CEP126: variants seen among roughly 807,000 people sequenced by gnomAD.
The protein encoded by CEP126 is centrosomal protein of 126 kDa.
In CEP126, 74 loss-of-function variants were observed where a neutral mutation model predicts 107.8. The ratio of observed to expected loss-of-function variants is 0.69; its 90% confidence interval spans 0.57 to 0.83. The LOEUF is 0.83. CEP126 is among the 40% of genes least tolerant of loss of function. The pLI, the probability that CEP126 is intolerant of heterozygous loss-of-function variation, is 0.00. For synonymous variants in CEP126, 449 were observed against 446.0 expected, an observed-to-expected ratio of 1.01 and a Z score of -0.08; for missense variants, 1,237 against 1,281.9, an observed-to-expected ratio of 0.96 and a Z score of 0.53.
chr11:101,981,808 A>T, intron 7 of CEP126, 81 bp from the exon 8 acceptor site: 3 of 786,116 alleles, frequency 3.8e-6, no homozygotes, highest in Non-Finnish European at 6.2e-6. Context: ...TACAGCAATT[A>T]AAAGTTTTTT....
intron 6 of CEP126, among the ~76,000 whole-genome samples, chr11:101,972,529 G>A (rs1309879248): frequency 2.6e-5 from 4 of 152,010 alleles, no homozygotes; most frequent in East Asian, 3.9e-4. Flanking sequence ...TAAGCCCAGC[G>A]TGGTGGCTCA....
chr11:101,940,308 AAAG>A (rs1332729999), intron 2 of CEP126, among the ~76,000 whole-genome samples: 1 of 152,210 alleles, frequency 6.6e-6, no homozygotes, highest in Non-Finnish European at 1.5e-5. Flanking sequence ...AAAATCAAAA[AAAG>A]TTTTATTCTT....
intron 2 of CEP126, among the ~76,000 whole-genome samples, chr11:101,930,204 T>C (rs1397364778): frequency 6.6e-6 from 1 of 152,010 alleles, no homozygotes; most frequent in Non-Finnish European, 1.5e-5. Flanking sequence ...CTCTGGTGAT[T>C]GGTTCCAAGA....
chr11:101,979,751 A>G (rs1941234454), intron 7 of CEP126, among the ~76,000 whole-genome samples: 1 of 152,286 alleles, frequency 6.6e-6, no homozygotes, highest in East Asian at 1.9e-4. Context: ...AAACAAATTA[A>G]ATAAATAAAA....
rs191675044 is a variant in CEP126 at position 101,939,184 on chromosome 11, G to A, written c.249-5081G>A. Among the ~76,000 whole-genome samples, 43 of 152,214 alleles carry A rather than the reference G, an allele frequency of 2.8e-4. 1 individual carries two copies. In the East Asian group the frequency reaches 7.7e-3, roughly 27 times the overall value. On this transcript the variant is annotated intron_variant, in intron 2 of 10. Coordinates refer to ENST00000263468, the MANE Select transcript of CEP126 (RefSeq NM_020802.4). ...TTACAAAGAAAGGATGTTAGAATAT[G>A]CACCTAGGATTGTGGATTTGTCCAT...
intron 5 of CEP126, 72 bp from the exon 6 acceptor site, chr11:101,961,669 T>C: frequency 5.1e-6 from 4 of 791,010 alleles, no homozygotes; most frequent in Admixed American, 2.8e-5. Context: ...TCAGTAACAA[T>C]GGTATGTTGA....
chr11:101,936,501 C>T (rs937422692), intron 2 of CEP126, among the ~76,000 whole-genome samples: 5 of 151,988 alleles, frequency 3.3e-5, no homozygotes, highest in East Asian at 1.9e-4. Flanking sequence ...ATAATTATGT[C>T]GTCTGCAAAT....
chr11:101,936,310 A>G (rs1482505070), intron 2 of CEP126, among the ~76,000 whole-genome samples: 1 of 152,014 alleles, frequency 6.6e-6, no homozygotes, highest in Non-Finnish European at 1.5e-5. Context: ...ACTCCTAAAT[A>G]TTTTGTATTT....
At chr11:101,920,019 C>G (rs1940298508) in intron 1 of CEP126, among the ~76,000 whole-genome samples, 1 of 152,144 alleles carries the variant, frequency 6.6e-6, no homozygotes, top group Admixed American at 6.5e-5. Flanking sequence ...AAATTTTCTT[C>G]CCTTTTGGTT....
intron 8 of CEP126, 30 bp downstream of exon 8, chr11:101,981,994 A>G: frequency 8.3e-7 from 1 of 1,210,088 alleles, no homozygotes; most frequent in Non-Finnish European, 1.2e-6. Context: ...TTTTTCTCTG[A>G]TCTTTGTTCC....
intron 10 of CEP126, among the ~76,000 whole-genome samples, chr11:101,995,705 T>G (rs1302014263): frequency 6.6e-6 from 1 of 152,228 alleles, no homozygotes; most frequent in Non-Finnish European, 1.5e-5. Flanking sequence ...GCTGGACTTC[T>G]CTTAGTCACC....
intron 6 of CEP126, among the ~76,000 whole-genome samples, chr11:101,974,391 T>C (rs1377431424): frequency 1.3e-5 from 2 of 152,194 alleles, no homozygotes; most frequent in South Asian, 4.1e-4. Context: ...TGTACAAATA[T>C]TTGAAGGCTT....
In CEP126 at chr11:101,963,399, C is replaced by A. The variant is rs541026083; in HGVS notation, c.2364C>A (p.Asn788Lys). 3.5e-5 allele frequency: 57 copies of A among 1,614,132 alleles called. 2 individuals are homozygous for A. The South Asian group carries it at 6.0e-4, about 17-fold the overall frequency. ...VIQPQSASKV[N>K]IFTQAQGKLI... ...AACCACAGTCTGCAAGCAAAGTCAA[C>A]ATATTTACACAAGCTCAGGGAAAAT... The change falls in exon 6 of 11, where the codon AAC becomes AAA. Residue 788 changes from asparagine to lysine, a missense_variant. By Grantham distance (94) the Asn-to-Lys change is moderately conservative. Coordinates refer to ENST00000263468, the MANE Select transcript of CEP126 (RefSeq NM_020802.4).
At chr11:101,968,079 T>C (rs1056114208) in intron 6 of CEP126, among the ~76,000 whole-genome samples, 1 of 152,220 alleles carries the variant, frequency 6.6e-6, no homozygotes, top group African/African-American at 2.4e-5. Flanking sequence ...TCAATGAGTA[T>C]AAGCCATTCT....
chr11:101,971,876 A>G (rs566463697), intron 6 of CEP126, among the ~76,000 whole-genome samples: 4 of 151,858 alleles, frequency 2.6e-5, no homozygotes, highest in South Asian at 2.1e-4. Context: ...TGGGATGCCA[A>G]AGCAAGCGGA....
At chr11:101,951,201 A>C (rs975787238) in intron 4 of CEP126, among the ~76,000 whole-genome samples, 1 of 152,180 alleles carries the variant, frequency 6.6e-6, no homozygotes, top group Non-Finnish European at 1.5e-5. Context: ...GATCAATTAC[A>C]AGTATAAGAA....
At chr11:101,920,301 T>C (rs570466770) in intron 1 of CEP126, among the ~76,000 whole-genome samples, 1 of 152,324 alleles carries the variant, frequency 6.6e-6, no homozygotes, top group East Asian at 1.9e-4. Flanking sequence ...TGAAGCACTA[T>C]AGGATCCTGA....
At chr11:101,975,967 T>TATCC (rs1348989659) in intron 6 of CEP126, among the ~76,000 whole-genome samples, 2 of 152,240 alleles carry the variant, frequency 1.3e-5, no homozygotes, top group East Asian at 3.8e-4. Flanking sequence ...ACCACATTTT[T>TATCC]ATCCAATCTA....
chr11:101,994,096 G>A (rs982448978), intron 10 of CEP126, among the ~76,000 whole-genome samples: 2 of 152,106 alleles, frequency 1.3e-5, no homozygotes, highest in African/African-American at 2.4e-5. Flanking sequence ...CTAGCCAGGC[G>A]TGGTGGTGTG....
Sources: allele counts gnomAD v4.1 joint callset (sites outside exome capture counted in the v4.1 genomes callset), GRCh38; gene constraint gnomAD v4.1.1; transcripts MANE v1.5; gene names NCBI Gene and HGNC (gene_info 2026-07-23, HGNC 2026-07-21).